Variants in ZNF704 observed in about 807,000 individuals in gnomAD.
The protein encoded by ZNF704 is zinc finger protein 704, also known as glucocorticoid induced gene 1.
Under a neutral mutation model 44.7 loss-of-function variants are expected in ZNF704, and 10 were observed. The observed-to-expected ratio is 0.22, with a 90% CI of 0.14 to 0.38. The LOEUF (loss-of-function observed/expected upper bound fraction) is 0.38, where lower values mean the gene tolerates loss of function less well. ZNF704 is among the 10% of genes least tolerant of loss of function. ZNF704 has a pLI of 1.00. For missense variants in ZNF704, 390 were observed against 545.5 expected (o/e 0.71, Z 2.84); for synonymous variants, 211 against 207.6 (o/e 1.02, Z -0.14).
At chr8:80,768,995 CAGTCTGTGCCATA>C (rs796769778) in intron 2 of ZNF704, among the ~76,000 whole-genome samples, 7 of 152,272 alleles carry the variant, frequency 4.6e-5, no homozygotes, top group African/African-American at 1.7e-4. Flanking sequence ...ACAACCTACA[CAGTCTGTGCCATA>C]AAACAGCATA....
chr8:80,733,377 G>A (rs1191367503), intron 2 of ZNF704, among the ~76,000 whole-genome samples: 1 of 152,134 alleles, frequency 6.6e-6, no homozygotes. Context: ...TATAAAATCT[G>A]TAGAAATAAT....
the ZNF704 span, among the ~76,000 whole-genome samples, chr8:80,883,382 A>C: frequency 2.0e-5 from 3 of 152,194 alleles, no homozygotes; most frequent in Non-Finnish European, 2.9e-5. Flanking sequence ...AAATGTGAGC[A>C]TACAAATGGC....
At chr8:80,688,323 T>G (rs1018570882) in intron 3 of ZNF704, among the ~76,000 whole-genome samples, 2 of 152,230 alleles carry the variant, frequency 1.3e-5, no homozygotes, top group Admixed American at 1.3e-4. Context: ...GATAGTTATC[T>G]AAAGCCCCTT....
intron 2 of ZNF704, among the ~76,000 whole-genome samples, chr8:80,759,991 A>C (rs1490379740): frequency 6.6e-6 from 1 of 152,042 alleles, no homozygotes; most frequent in Non-Finnish European, 1.5e-5. Flanking sequence ...GCCTGGCTTC[A>C]AGTGATCCTC....
chr8:80,710,067 C>G (rs1304965408), intron 2 of ZNF704, among the ~76,000 whole-genome samples: 1 of 152,140 alleles, frequency 6.6e-6, no homozygotes, highest in Non-Finnish European at 1.5e-5. Flanking sequence ...TCCTACCCAG[C>G]CTGGGTGGCA....
At chr8:80,645,259 G>A in intron 7 of ZNF704, 1 of 1,282,760 alleles carries the variant, frequency 7.8e-7, no homozygotes, top group African/African-American at 1.5e-5. Flanking sequence ...ATTGCCATAT[G>A]TAGGAGGATA....
Position 80,701,042 on chromosome 8 carries a change from C to T in ZNF704, c.222-7935G>A, listed in dbSNP as rs61507758. On this transcript the variant is annotated intron_variant, in intron 2 of 8. Coordinates refer to ENST00000327835, the MANE Select transcript of ZNF704 (RefSeq NM_001033723.3). The stretch of plus-strand genomic sequence containing the variant: ...GCTACTGCTTCCCTCCCGCCAGGTC[C>T]ACTGGTGGCTCAGCGGGGTTCTCCC... Among the ~76,000 whole-genome samples the T allele has an allele frequency of 1.6e-3, 242 of 152,242 alleles. 1 individual carries two copies. Among genetic ancestry groups the T allele is most frequent in the African/African-American group, 5.7e-3 (238 of 41,548 alleles).
At chr8:80,667,498 G>C (rs1818213798) in intron 5 of ZNF704, among the ~76,000 whole-genome samples, 1 of 152,192 alleles carries the variant, frequency 6.6e-6, no homozygotes, top group Non-Finnish European at 1.5e-5. Flanking sequence ...ACTCCTAACT[G>C]TTAGTGCTCT....
intron 2 of ZNF704, among the ~76,000 whole-genome samples, chr8:80,788,768 G>C (rs1377509210): frequency 6.6e-6 from 1 of 152,098 alleles, no homozygotes; most frequent in Non-Finnish European, 1.5e-5. Context: ...TACCTGAAGG[G>C]GGGAAAACAA....
intron 2 of ZNF704, among the ~76,000 whole-genome samples, chr8:80,735,167 A>G (rs2131685218): frequency 6.6e-6 from 1 of 152,306 alleles, no homozygotes; most frequent in East Asian, 1.9e-4. Flanking sequence ...ACTTTATATA[A>G]GTTAGTCATG....
intron 2 of ZNF704, among the ~76,000 whole-genome samples, chr8:80,777,189 C>T (rs190143393): frequency 7.1e-4 from 108 of 152,164 alleles, no homozygotes; most frequent in Non-Finnish European, 1.1e-3. Context: ...TGTTTTATCA[C>T]GTCAGAAATT....
chr8:80,839,696 AAAG>A (rs1808643564), intron 1 of ZNF704, among the ~76,000 whole-genome samples: 2 of 152,326 alleles, frequency 1.3e-5, no homozygotes, highest in Non-Finnish European at 2.9e-5. Flanking sequence ...AGATGGCTCA[AAAG>A]AAGAATTGCG....
Position 80,693,646 on chromosome 8 carries a change from G to A in ZNF704, c.222-539C>T, listed in dbSNP as rs558260243. On this transcript the variant is annotated intron_variant, in intron 2 of 8. Coordinates refer to ENST00000327835, the MANE Select transcript of ZNF704 (RefSeq NM_001033723.3). ...AAGGTCAGGGAGAGTCTGTCCTGAG[G>A]GGCAGGGAAGTACATCCCAAGCAGA... Among the ~76,000 whole-genome samples the A allele has an allele frequency of 1.2e-4, 18 of 152,220 alleles. No homozygotes were observed. In the East Asian group the frequency reaches 2.7e-3, roughly 23 times the overall value.
At chr8:80,719,288 T>C (rs1024433972) in intron 2 of ZNF704, among the ~76,000 whole-genome samples, 5 of 152,196 alleles carry the variant, frequency 3.3e-5, no homozygotes, top group East Asian at 1.9e-4. Context: ...TTGGTTTCAA[T>C]TGGATAATGA....
chr8:80,878,448 G>A (rs1030706595), upstream of ZNF704, among the ~76,000 whole-genome samples: 23 of 152,260 alleles, frequency 1.5e-4, no homozygotes, highest in African/African-American at 5.3e-4. Flanking sequence ...CCCACTGGTG[G>A]TAGTTCTTTT....
chr8:80,659,606 CGGA>C lies in ZNF704; in HGVS notation c.1008_1010del (p.Pro337del). Reference sequence around the variant, plus strand: ...TTACTGGGATGCCTGTGAAAGTGACCGGAGGAGATTGCCAGGAAATGCTGAAGC... The same window carrying C: ...TTACTGGGATGCCTGTGAAAGTGACCGGAGATTGCCAGGAAATGCTGAAGC... On this transcript the variant is annotated inframe_deletion, in exon 7 of 9. Transcript: ENST00000327835. 5 of 1,613,796 alleles carry C rather than the reference CGGA, an allele frequency of 3.1e-6. No homozygotes were observed. In the South Asian group the frequency reaches 4.4e-5, roughly 14 times the overall value.
chr8:80,699,711 C>T (rs1457900960), intron 2 of ZNF704, among the ~76,000 whole-genome samples: 11 of 152,196 alleles, frequency 7.2e-5, no homozygotes, highest in African/African-American at 2.7e-4. Flanking sequence ...ATGGTCCACA[C>T]TTTGAGTAGC....
chr8:80,706,154 G>A (rs1818894437), intron 2 of ZNF704, among the ~76,000 whole-genome samples: 1 of 152,190 alleles, frequency 6.6e-6, no homozygotes, highest in Non-Finnish European at 1.5e-5. Context: ...TCCATTTTGA[G>A]TCATTCCAGG....
chr8:80,741,536 C>T (rs1806756716), intron 2 of ZNF704, among the ~76,000 whole-genome samples: 1 of 152,186 alleles, frequency 6.6e-6, no homozygotes, highest in African/African-American at 2.4e-5. Context: ...TGTGTGTGGA[C>T]ATCTCATGAT....
Sources: gnomAD v4.1 joint callset for allele counts (sites outside exome capture counted in the v4.1 genomes callset) on GRCh38, gnomAD v4.1.1 for gene constraint, MANE v1.5 for transcripts, NCBI Gene and HGNC (gene_info 2026-07-23, HGNC 2026-07-21) for gene names.